Variants in ZNF799 observed in about 807,000 individuals in gnomAD.
ZNF799 encodes zinc finger protein 14.
A neutral mutation model predicts 41.0 loss-of-function variants in ZNF799; 28 were observed. That is an observed-to-expected ratio of 0.68 (90% CI 0.51 to 0.94). The LOEUF (loss-of-function observed/expected upper bound fraction) is 0.94, where lower values mean the gene tolerates loss of function less well. Ranked by LOEUF, ZNF799 falls within the 40% of genes least tolerant of loss-of-function variation. The pLI is 0.00. For missense variants in ZNF799, 716 were observed against 764.3 expected (o/e 0.94, Z 0.74); for synonymous variants, 213 against 252.9 (o/e 0.84, Z 1.50).
chr19:12,412,398 A>G, the ZNF799 span, among the ~76,000 whole-genome samples: 1 of 150,500 alleles, frequency 6.6e-6, no homozygotes, highest in Non-Finnish European at 1.5e-5. Flanking sequence ...CACTGTTTCT[A>G]TTATTTCCTG....
chr19:12,401,373 A>T, upstream of ZNF799: 2 of 737,430 alleles, frequency 2.7e-6, no homozygotes, highest in Non-Finnish European at 2.1e-6. Context: ...AGCTGAGTGG[A>T]GCCAGATGAG....
chr19:12,413,041 C>T, the ZNF799 span, among the ~76,000 whole-genome samples: 4 of 112,148 alleles, frequency 3.6e-5, no homozygotes, highest in African/African-American at 3.9e-5. Context: ...AGCAAGACTC[C>T]GTCTCCAAAA....
At chr19:12,399,298 C>T (rs11882620) in intron 1 of ZNF799, among the ~76,000 whole-genome samples, 4 of 152,096 alleles carry the variant, frequency 2.6e-5, no homozygotes, top group Non-Finnish European at 5.9e-5. Flanking sequence ...ACTACCTCAA[C>T]GGGCAGGTTC....
At position 12,390,869 on chromosome 19, in the gene ZNF799, T is replaced by A; in HGVS notation, c.1529A>T (p.Lys510Met). The A allele has an allele frequency of 6.2e-7, 1 of 1,614,066 alleles. No individual in the cohort carries two copies. The highest frequency in any genetic ancestry group is 1.1e-5 in the South Asian group (1 of 91,080). The stretch of plus-strand genomic sequence containing the variant: ...GTTACCAAAATGACTGAAGGCTTTC[T>A]TACATGTGTTACACTCATAAGGTTT... ...GEKPYECNTC[K>M]KAFSHFGNLK... Residue 510 changes from lysine to methionine, a missense_variant, in exon 4 of 4, where the codon AAG becomes ATG. Around this residue, in one of 2 missense-constraint regions of ZNF799, gnomAD observed 698 missense variants for 713.6 expected, o/e 0.98. Coordinates refer to ENST00000430385, the MANE Select transcript of ZNF799 (RefSeq NM_001080821.3).
the ZNF799 span, among the ~76,000 whole-genome samples, chr19:12,413,317 C>T: frequency 5.3e-5 from 8 of 152,162 alleles, no homozygotes; most frequent in African/African-American, 1.9e-4. Context: ...CTCCCTTCTC[C>T]TAAAGGTTCT....
upstream of ZNF799, among the ~76,000 whole-genome samples, chr19:12,404,001 A>G (rs1410821331): frequency 1.3e-5 from 2 of 152,238 alleles, no homozygotes; most frequent in East Asian, 1.9e-4. Flanking sequence ...TAATTTCTCC[A>G]CTGACCAATT....
At chr19:12,407,581 T>C in the ZNF799 span, among the ~76,000 whole-genome samples, 3 of 151,470 alleles carry the variant, frequency 2.0e-5, no homozygotes, top group African/African-American at 4.9e-5. Flanking sequence ...ATAAAATATA[T>C]GAAAAGAATT....
At chr19:12,399,284 T>C (rs1164093431) in intron 1 of ZNF799, among the ~76,000 whole-genome samples, 1 of 152,202 alleles carries the variant, frequency 6.6e-6, no homozygotes, top group Non-Finnish European at 1.5e-5. Context: ...TTTCAGGATC[T>C]TGCACTACCT....
At chr19:12,398,929 A>T (rs1969939163) in intron 1 of ZNF799, among the ~76,000 whole-genome samples, 1 of 152,230 alleles carries the variant, frequency 6.6e-6, no homozygotes, top group African/African-American at 2.4e-5. Context: ...TAAAAAATGG[A>T]ATAGAAGATT....
upstream of ZNF799, among the ~76,000 whole-genome samples, chr19:12,402,359 G>A (rs1278247077): frequency 1.7e-5 from 2 of 119,850 alleles, no homozygotes; most frequent in South Asian, 2.3e-4. Flanking sequence ...CATATTATAT[G>A]CAAACCAGGA....
chr19:12,405,304 G>A (rs2144918271), upstream of ZNF799, among the ~76,000 whole-genome samples: 1 of 152,126 alleles, frequency 6.6e-6, no homozygotes, highest in Middle Eastern at 3.4e-3. Context: ...GAAAAAAGTT[G>A]GAGAGAAAAT....
At position 12,392,655 on chromosome 19, in the gene ZNF799, A is replaced by G; in HGVS notation, c.139T>C (p.Trp47Arg). The G allele has an allele frequency of 6.3e-7, 1 of 1,598,392 alleles. No individual in the cohort carries two copies. The highest frequency in any genetic ancestry group is 8.6e-7 in the Non-Finnish European group (1 of 1,168,580). The change falls in exon 3 of 4, where the codon TGG becomes CGG. Residue 47 changes from tryptophan to arginine, a missense_variant. By Grantham distance (101) the Trp-to-Arg change is moderately radical. Coordinates refer to ENST00000430385, the MANE Select transcript of ZNF799 (RefSeq NM_001080821.3). ...TGATCTTCAATGTTCTGGTCTTTCC[A>G]TTTCATTCCTAAAAGGTATACACAG... is the stretch of plus-strand genomic sequence containing the variant. ...IRNLDCVGMK[W>R]KDQNIEDQYR...
the ZNF799 span, among the ~76,000 whole-genome samples, chr19:12,406,462 C>G: frequency 2.1e-5 from 3 of 144,104 alleles, no homozygotes; most frequent in South Asian, 6.6e-4. Flanking sequence ...CCAGCCTGGG[C>G]AACAGAGTGA....
In ZNF799 at chr19:12,391,456, A is replaced by G. The variant is rs1322509511; in HGVS notation, c.942T>C (p.Cys314=). Residue 314 remains cysteine (C), a synonymous_variant, in exon 4 of 4, where the codon TGT becomes TGC. Coordinates refer to ENST00000430385, the MANE Select transcript of ZNF799 (RefSeq NM_001080821.3). ...TDEKPYACQQ[C]GKAFHHLGSF... is the part of the protein sequence containing the mutation. ...TTCCCAGATGATGAAACGCTTTCCC[A>G]CATTGCTGACATGCATAGGGTTTCT... is the stretch of plus-strand genomic sequence containing the variant. 2 of 1,614,156 alleles carry G rather than the reference A, an allele frequency of 1.2e-6. No homozygotes were observed. The highest frequency in any genetic ancestry group is 1.7e-6 in the Non-Finnish European group (2 of 1,180,000).
upstream of ZNF799, among the ~76,000 whole-genome samples, chr19:12,402,397 A>T (rs1471123774): frequency 6.8e-6 from 1 of 146,290 alleles, no homozygotes; most frequent in Non-Finnish European, 1.5e-5. Flanking sequence ...TTCCTTCCCA[A>T]TATAGATGCC....
At chr19:12,394,981 C>T in intron 1 of ZNF799, 1 of 631,478 alleles carries the variant, frequency 1.6e-6, no homozygotes, top group Non-Finnish European at 2.0e-6. Context: ...CCCAATCCCT[C>T]CCCCTATCAA....
chr19:12,390,592 G>T lies in ZNF799; in HGVS notation c.1806C>A (p.Ser602=). The change falls in exon 4 of 4, where the codon TCC becomes TCA. Residue 602 remains serine, a synonymous_variant. Transcript: ENST00000430385. ...ECGKAFASLS[S]LHRHKKTHWK... Reference sequence around the variant, plus strand: ...AGTGAGTCTTTTTATGTCTATGCAAGGAACTGAGAGAAGCAAATGCTTTCC... The same window carrying T: ...AGTGAGTCTTTTTATGTCTATGCAATGAACTGAGAGAAGCAAATGCTTTCC... 1 of 1,613,788 alleles carries T rather than the reference G, an allele frequency of 6.2e-7. No homozygotes were observed. Among genetic ancestry groups the T allele is most frequent in the Non-Finnish European group, 8.5e-7 (1 of 1,179,860 alleles).
chr19:12,414,669 A>G, the ZNF799 span, among the ~76,000 whole-genome samples: 8 of 152,362 alleles, frequency 5.3e-5, no homozygotes, highest in East Asian at 1.2e-3. Context: ...TGTTACATGC[A>G]TGGAAAAACT....
intron 1 of ZNF799, 86 bp downstream of exon 1, chr19:12,400,982 G>T: frequency 2.5e-6 from 4 of 1,611,456 alleles, no homozygotes; most frequent in Non-Finnish European, 2.5e-6. Context: ...GTAGCCCTTG[G>T]GGAGGCCCGG....
Sources: gnomAD v4.1 joint callset for allele counts (sites outside exome capture counted in the v4.1 genomes callset) on GRCh38, gnomAD v4.1.1 for gene constraint, gnomAD v4.1.1 regional missense constraint, MANE v1.5 for transcripts, NCBI Gene and HGNC (gene_info 2026-07-23, HGNC 2026-07-21) for gene names.